The following RBFOX1 variants were observed in gnomAD, a reference collection of about 807,000 sequenced individuals.
RBFOX1 encodes RNA binding fox-1 homolog 1.
A neutral mutation model predicts 57.7 loss-of-function variants in RBFOX1; 8 were observed. That is an observed-to-expected ratio of 0.14 (90% CI 0.08 to 0.25). RBFOX1 has a LOEUF of 0.25. RBFOX1 is among the 10% of genes least tolerant of loss of function. The probability of loss-of-function intolerance (pLI) is 1.00; values close to 1 mark genes in which losing one functional copy is unlikely to be tolerated. For missense variants in RBFOX1, 611 were observed against 548.5 expected (o/e 1.11, Z -1.14); for synonymous variants, 326 against 222.4 (o/e 1.47, Z -4.15).
At chr16:6,244,099 C>T (rs938023621) in intron 1 of RBFOX1, among the ~76,000 whole-genome samples, 3 of 152,064 alleles carry the variant, frequency 2.0e-5, no homozygotes, top group African/African-American at 7.2e-5. Flanking sequence ...TACTAAATTC[C>T]TTGGAGAAAC....
chr16:5,411,939 T>C (rs1224978803), intron 1 of RBFOX1, among the ~76,000 whole-genome samples: 1 of 152,182 alleles, frequency 6.6e-6, no homozygotes, highest in Non-Finnish European at 1.5e-5. Context: ...TGATTCATCC[T>C]CTTCCTTTGT....
chr16:5,876,291 A>G (rs1433199090), intron 4 of RBFOX1, among the ~76,000 whole-genome samples: 1 of 121,800 alleles, frequency 8.2e-6, no homozygotes. Flanking sequence ...ATTTAATTTC[A>G]TCCTCACAAT....
At chr16:5,522,336 C>T (rs79594240) in intron 2 of RBFOX1, among the ~76,000 whole-genome samples, 6,601 of 152,236 alleles carry the variant, frequency 0.043, 477 homozygotes, top group African/African-American at 0.15. Context: ...GCGTAAAGCA[C>T]GTTGCATACA....
At chr16:7,309,289 T>C (rs2142460749) in intron 4 of RBFOX1, among the ~76,000 whole-genome samples, 1 of 152,382 alleles carries the variant, frequency 6.6e-6, no homozygotes, top group East Asian at 1.9e-4. Context: ...GGGGGTCATC[T>C]GTGCTTCCCC....
chr16:5,933,045 C>A (rs1308646721), intron 4 of RBFOX1, among the ~76,000 whole-genome samples: 4 of 152,232 alleles, frequency 2.6e-5, no homozygotes, highest in African/African-American at 9.6e-5. Context: ...GCCGAGGAAG[C>A]TGCAGCAGCC....
At chr16:7,653,497 C>T (rs1037343751) in intron 11 of RBFOX1, among the ~76,000 whole-genome samples, 1 of 152,108 alleles carries the variant, frequency 6.6e-6, no homozygotes, top group Non-Finnish European at 1.5e-5. Context: ...CAGAGCCAGT[C>T]CCTGTCTCAA....
intron 9 of RBFOX1, among the ~76,000 whole-genome samples, chr16:7,600,956 G>C (rs898609453): frequency 6.6e-6 from 1 of 152,142 alleles, no homozygotes; most frequent in Non-Finnish European, 1.5e-5. Flanking sequence ...TTTCTCTATT[G>C]CTATTTCTCT....
At position 5,393,809 on chromosome 16, in the gene RBFOX1, A is replaced by G. The variant is rs145675813; in HGVS notation, c.220-73407A>G. Among the ~76,000 whole-genome samples, 221 of 152,304 alleles carry G rather than the reference A, an allele frequency of 1.5e-3. 3 individuals are homozygous for G. Among genetic ancestry groups the G allele is most frequent in the African/African-American group, 5.0e-3 (206 of 41,582 alleles). On this transcript the variant is annotated intron_variant, in intron 1 of 2. Coordinates refer to the RBFOX1 transcript ENST00000585867. ...ACAGTGCTGTCCAACCATCACCACC[A>G]TCCATCTCCAGAACTTTTTCATCTT... is the stretch of plus-strand genomic sequence containing the variant.
At chr16:6,542,747 C>T (rs1443764152) in intron 2 of RBFOX1, among the ~76,000 whole-genome samples, 2 of 151,758 alleles carry the variant, frequency 1.3e-5, no homozygotes, top group Non-Finnish European at 2.9e-5. Flanking sequence ...CTGCCTCGGC[C>T]CCCAGAAGTG....
chr16:7,023,459 C>CAA (rs368260398), intron 3 of RBFOX1, among the ~76,000 whole-genome samples: 12 of 124,880 alleles, frequency 9.6e-5, no homozygotes, highest in African/African-American at 2.7e-4. Flanking sequence ...GACTCCATCT[C>CAA]AAAAAAAAAA....
rs79347443 is a variant in RBFOX1, at chr16:6,919,367, G to A, written c.-15-132690G>A. Among the ~76,000 whole-genome samples, 322 of 152,102 alleles carry A rather than the reference G, an allele frequency of 2.1e-3. 1 individual carries two copies. Among genetic ancestry groups the A allele is most frequent in the African/African-American group, 7.4e-3 (307 of 41,484 alleles). Reference sequence around the variant, plus strand: ...TTCTCCAAATTAATTCCTCACAACAGCCCAGCAGTTTAGGTTCTCTTATTA... The same window carrying A: ...TTCTCCAAATTAATTCCTCACAACAACCCAGCAGTTTAGGTTCTCTTATTA... On this transcript the variant is annotated intron_variant, in intron 3 of 15. Transcript: ENST00000550418.
At chr16:6,116,701 G>A (rs969663368) in intron 1 of RBFOX1, among the ~76,000 whole-genome samples, 2 of 152,182 alleles carry the variant, frequency 1.3e-5, no homozygotes, top group East Asian at 1.9e-4. Context: ...GTTTAATCAA[G>A]TCTGAGTTGG....
intron 3 of RBFOX1, among the ~76,000 whole-genome samples, chr16:6,658,903 AG>A (rs2098680582): frequency 7.6e-6 from 1 of 131,158 alleles, no homozygotes; most frequent in South Asian, 2.4e-4. Flanking sequence ...GCAGGAGCAC[AG>A]GTTTTTTGTT....
intron 3 of RBFOX1, among the ~76,000 whole-genome samples, chr16:6,964,242 C>G (rs992788217): frequency 7.9e-5 from 12 of 151,486 alleles, no homozygotes; most frequent in African/African-American, 2.9e-4. Context: ...TGGTCTCGAA[C>G]TGCTGATCTC....
At chr16:5,614,493 A>G (rs1475746751) in intron 3 of RBFOX1, among the ~76,000 whole-genome samples, 1 of 152,096 alleles carries the variant, frequency 6.6e-6, no homozygotes, top group East Asian at 1.9e-4. Context: ...TGCACTTTAA[A>G]TGACTTCGGA....
chr16:7,125,114 A>T (rs1334025789), intron 4 of RBFOX1, among the ~76,000 whole-genome samples: 1 of 152,166 alleles, frequency 6.6e-6, no homozygotes, highest in Non-Finnish European at 1.5e-5. Context: ...AAATGACAAT[A>T]TGAGAGGTTT....
intron 3 of RBFOX1, among the ~76,000 whole-genome samples, chr16:6,813,951 C>A (rs935901471): frequency 2.0e-5 from 3 of 152,160 alleles, no homozygotes; most frequent in African/African-American, 4.8e-5. Flanking sequence ...AAACTATTAA[C>A]CAGTCCTTGC....
intron 3 of RBFOX1, among the ~76,000 whole-genome samples, chr16:6,676,148 A>G (rs756561703): frequency 0.29 from 15,519 of 53,664 alleles, 905 homozygotes; most frequent in African/African-American, 0.35. Context: ...ACGCGCACAC[A>G]CACACACACA....
At chr16:6,038,743 T>TG (rs931166427) in intron 1 of RBFOX1, 1 of 149,852 alleles carries the variant, frequency 6.7e-6, no homozygotes, top group African/African-American at 2.4e-5. Flanking sequence ...TTGATTTTTT[T>TG]TTTTTTTCTT....
Sources: allele counts gnomAD v4.1 joint callset (sites outside exome capture counted in the v4.1 genomes callset), GRCh38; gene constraint gnomAD v4.1.1; transcripts MANE v1.5; gene names NCBI Gene and HGNC (gene_info 2026-07-23, HGNC 2026-07-21).